Variants in TTC3 observed in about 807,000 individuals in gnomAD.
TTC3 encodes the protein E3 ubiquitin-protein ligase TTC3.
A neutral mutation model predicts 249.6 loss-of-function variants in TTC3; 180 were observed. The observed-to-expected ratio is 0.72, with a 90% CI of 0.64 to 0.82. The LOEUF is 0.82. Ranked by LOEUF, TTC3 falls within the 40% of genes least tolerant of loss-of-function variation. The pLI is 0.00. For missense variants in TTC3, 2,061 were observed against 2,398.4 expected, an observed-to-expected ratio of 0.86 and a Z score of 2.94; for synonymous variants, 717 against 805.0, an observed-to-expected ratio of 0.89 and a Z score of 1.85.
At chr21:37,078,652 T>G (rs900878512) in intron 1 of TTC3, among the ~76,000 whole-genome samples, 1 of 152,184 alleles carries the variant, frequency 6.6e-6, no homozygotes, top group Non-Finnish European at 1.5e-5. Context: ...ATATTGACCC[T>G]TTAGTCATCC....
chr21:37,156,836 G>A lies in TTC3; in HGVS notation c.2922G>A (p.Trp974Ter). The change falls in exon 28 of 46, where the codon TGG becomes TGA. Residue 974 changes from tryptophan (W) to a stop codon, truncating the protein, a stop_gained. Transcript: ENST00000355666. LOFTEE classifies it high-confidence loss of function. ...TGAAGGAAGCCCGTTGTTTAATATG[G>A]CTGCTAGAAGAACACAGAGACAAGT... 3 of 1,614,026 alleles carry A rather than the reference G, an allele frequency of 1.9e-6. No individual in the cohort carries two copies. The highest frequency in any genetic ancestry group is 1.7e-6 in the Non-Finnish European group (2 of 1,179,992).
chr21:37,194,956 A>G (rs1437017546), intron 41 of TTC3: 1 of 152,286 alleles, frequency 6.6e-6, no homozygotes, highest in African/African-American at 2.4e-5. Flanking sequence ...GATTGGGGGT[A>G]CATTTACAGG....
chr21:37,164,164 A>G (rs941085817), exon 32 of TTC3: 4 of 1,613,390 alleles, frequency 2.5e-6, no homozygotes, highest in Admixed American at 1.7e-5. Flanking sequence ...GTTGTCCGCA[A>G]TAAGAAGCTA....
At chr21:37,088,729 C>T in intron 4 of TTC3, 70 bp from the exon 5 acceptor site, 1 of 1,383,944 alleles carries the variant, frequency 7.2e-7, no homozygotes, top group South Asian at 1.3e-5. Context: ...AGATATATAG[C>T]TAAGCATAAA....
chr21:37,117,045 T>A (rs1021556414), intron 11 of TTC3, among the ~76,000 whole-genome samples: 5 of 114,996 alleles, frequency 4.3e-5, no homozygotes, highest in Admixed American at 2.5e-4. Flanking sequence ...TTAATTTTTT[T>A]AAATGAACTT....
At chr21:37,089,569 A>C (rs759681478) in intron 5 of TTC3, among the ~76,000 whole-genome samples, 4 of 152,146 alleles carry the variant, frequency 2.6e-5, no homozygotes, top group Non-Finnish European at 5.9e-5. Context: ...GCTGGAGTGC[A>C]GTGACGAGAT....
At chr21:37,167,386 C>A (rs1041199837) in intron 33 of TTC3, among the ~76,000 whole-genome samples, 169 bp from the exon 34 acceptor site, 3 of 151,954 alleles carry the variant, frequency 2.0e-5, no homozygotes, top group Admixed American at 1.3e-4. Context: ...TATGCTAATT[C>A]TAAATAACTT....
At chr21:37,110,027 A>G (rs1349595057) in intron 11 of TTC3, among the ~76,000 whole-genome samples, 2 of 97,478 alleles carry the variant, frequency 2.1e-5, no homozygotes, top group Non-Finnish European at 4.5e-5. Context: ...AAACTAACAG[A>G]AAGGACATCC....
At chr21:37,095,135 A>ATGTGTGTGTGTGTGTGTGTGTG (rs201291680) in intron 8 of TTC3, among the ~76,000 whole-genome samples, 1 of 76,670 alleles carries the variant, frequency 1.3e-5, no homozygotes, top group East Asian at 4.0e-4. Flanking sequence ...GTCTCTAAAA[A>ATGTGTGTGTGTGTGTGTGTGTG]TATGTGTGTG....
At chr21:37,097,278 A>G (rs565355760) in intron 10 of TTC3, among the ~76,000 whole-genome samples, 2 of 152,290 alleles carry the variant, frequency 1.3e-5, no homozygotes, top group East Asian at 3.9e-4. Context: ...GTTCCCCAGT[A>G]TAAAATTTTT....
At chr21:37,091,042 A>G (rs2835589) in intron 6 of TTC3, among the ~76,000 whole-genome samples, 68,970 of 151,952 alleles carry the variant, frequency 0.45, 16,211 homozygotes, top group Non-Finnish European at 0.52. Flanking sequence ...TAGTAATTGC[A>G]GAAGCATCTT....
chr21:37,191,986 C>G, intron 40 of TTC3, 126 bp from the exon 41 acceptor site: 1 of 588,626 alleles, frequency 1.7e-6, no homozygotes, highest in Admixed American at 3.4e-5. Flanking sequence ...TTGGAGCATT[C>G]GGTTTAATGA....
At chr21:37,126,366 A>G (rs1357264814) in intron 15 of TTC3, among the ~76,000 whole-genome samples, 1 of 152,228 alleles carries the variant, frequency 6.6e-6, no homozygotes. Flanking sequence ...AAAGGAAAGG[A>G]AAAGATGAAG....
chr21:37,129,084 A>G (rs1816925748), intron 16 of TTC3, 21 bp downstream of exon 16: 6 of 1,553,024 alleles, frequency 3.9e-6, no homozygotes, highest in Non-Finnish European at 5.2e-6. Context: ...TCTCTAAGGT[A>G]TGTTTTTTTC....
At chr21:37,093,869 A>G (rs1022498325) in intron 7 of TTC3, 136 bp from the exon 8 acceptor site, 1 of 524,040 alleles carries the variant, frequency 1.9e-6, no homozygotes. Context: ...TACAAGAAAC[A>G]TGTGCTATTT....
At position 37,126,152 on chromosome 21, in the gene TTC3, T is replaced by TATA; in HGVS notation, c.1297+9_1297+10insATA. ...ATTTTCACCACCATCAAGTGAGTAT[T>TATA]GTTTTTATATCAATTGTTGCCAAGT... On this transcript the variant is annotated intron_variant, in intron 15 of 45. Coordinates refer to ENST00000355666, the Ensembl canonical transcript of TTC3. 2 of 1,610,290 alleles carry TATA rather than the reference T, an allele frequency of 1.2e-6. No individual in the cohort carries two copies. The highest frequency in any genetic ancestry group is 1.7e-6 in the Non-Finnish European group (2 of 1,178,730).
At chr21:37,088,278 C>T (rs1387335021) in exon 4 of TTC3, 5 of 1,613,508 alleles carry the variant, frequency 3.1e-6, no homozygotes, top group Non-Finnish European at 4.2e-6. Flanking sequence ...TAAACATCTT[C>T]TGGCCACTTC....
At chr21:37,088,731 A>T in intron 4 of TTC3, 68 bp from the exon 5 acceptor site, 2 of 1,398,300 alleles carry the variant, frequency 1.4e-6, no homozygotes, top group South Asian at 2.6e-5. Flanking sequence ...ATATATAGCT[A>T]AGCATAAAGT....
intron 39 of TTC3, among the ~76,000 whole-genome samples, chr21:37,190,122 T>TTTTC (rs1254060837): frequency 7.1e-6 from 1 of 141,358 alleles, no homozygotes; most frequent in East Asian, 2.1e-4. Context: ...GTATAGTTCT[T>TTTTC]TTTCTTTCTT....
Sources: gnomAD v4.1 joint callset for allele counts (sites outside exome capture counted in the v4.1 genomes callset) on GRCh38, gnomAD v4.1.1 for gene constraint, MANE v1.5 for transcripts, NCBI Gene and HGNC (gene_info 2026-07-23, HGNC 2026-07-21) for gene names.